Variants in KCNH5 observed in about 807,000 individuals in gnomAD.
The protein encoded by KCNH5 is voltage-gated delayed rectifier potassium channel KCNH5.
In KCNH5, 46 loss-of-function variants were observed where a neutral mutation model predicts 96.1. The ratio of observed to expected loss-of-function variants is 0.48; its 90% confidence interval spans 0.38 to 0.61. The LOEUF (loss-of-function observed/expected upper bound fraction) is 0.61, where lower values mean the gene tolerates loss of function less well. Ranked by LOEUF, KCNH5 falls within the 20% of genes least tolerant of loss-of-function variation. The pLI is 0.00. For synonymous variants in KCNH5, 439 were observed against 449.8 expected (o/e 0.98, Z 0.30); for missense variants, 907 against 1,225.8 (o/e 0.74, Z 3.88).
chr14:63,045,322 G>A lies in KCNH5; in HGVS notation c.-136C>T, dbSNP rs559356562. 11 of 706,822 alleles carry A rather than the reference G, an allele frequency of 1.6e-5. No homozygotes were observed. Among genetic ancestry groups the A allele is most frequent in the African/African-American group, 3.5e-5 (2 of 57,536 alleles). The allele number at this position is 706,822 out of a possible 1,614,324, so 43.8% of individuals were successfully genotyped here. ...AGAGGGGGCGCGGCGGCGGCGACGG[G>A]GTCCCCTGACTGTGTCTCCAGCCCG... On this transcript the variant is annotated 5_prime_UTR_variant, in exon 1 of 11. Coordinates refer to ENST00000322893, the MANE Select transcript of KCNH5 (RefSeq NM_139318.5).
chr14:62,718,272 T>C (rs1467515253), intron 10 of KCNH5, among the ~76,000 whole-genome samples: 2 of 152,128 alleles, frequency 1.3e-5, no homozygotes, highest in East Asian at 3.8e-4. Flanking sequence ...CAAACCTGCA[T>C]ATCTACCCCC....
At chr14:62,931,032 G>A (rs1050792018) in intron 7 of KCNH5, among the ~76,000 whole-genome samples, 1 of 152,092 alleles carries the variant, frequency 6.6e-6, no homozygotes, top group Non-Finnish European at 1.5e-5. Flanking sequence ...ATACCTGCCG[G>A]AGATGGGCTT....
chr14:62,844,804 A>G (rs1483669656), intron 8 of KCNH5, among the ~76,000 whole-genome samples: 12 of 152,214 alleles, frequency 7.9e-5, no homozygotes, highest in Admixed American at 6.5e-4. Context: ...CATTATTCAC[A>G]TAAGTCACAT....
chr14:63,040,687 C>A (rs1271595431), intron 1 of KCNH5, among the ~76,000 whole-genome samples: 2 of 152,166 alleles, frequency 1.3e-5, no homozygotes, highest in African/African-American at 4.8e-5. Flanking sequence ...AGTTATTATT[C>A]CTTTTTTGTT....
At chr14:62,712,050 AGAG>A (rs1234906208) in intron 10 of KCNH5, among the ~76,000 whole-genome samples, 2 of 152,096 alleles carry the variant, frequency 1.3e-5, no homozygotes, top group Non-Finnish European at 2.9e-5. Context: ...CAGCCCAGTG[AGAG>A]GAGAAGCAGG....
rs773528041 is a variant in KCNH5 at position 62,997,808 on chromosome 14, G to C, written c.433+3523C>G. 2.3e-4 allele frequency among the ~76,000 whole-genome samples: 34 copies of C among 147,398 alleles called. 2 individuals are homozygous for C. The highest frequency in any genetic ancestry group is 1.2e-4 in the Non-Finnish European group (8 of 67,572). ...CCAGCTACTTGGAAGGCTGAGGCAG[G>C]AGAATGGCATGAACCTGGGAGACGG... On this transcript the variant is annotated intron_variant, in intron 4 of 10. Coordinates refer to ENST00000322893, the MANE Select transcript of KCNH5 (RefSeq NM_139318.5).
intron 6 of KCNH5, among the ~76,000 whole-genome samples, chr14:62,964,234 A>ATGTG (rs1419352016): frequency 6.6e-6 from 1 of 152,068 alleles, no homozygotes; most frequent in African/African-American, 2.4e-5. Flanking sequence ...CTAAGGTACC[A>ATGTG]CTGTTATTTG....
In KCNH5 at chr14:62,699,990, A is replaced by AG. The variant is rs1884322731; in HGVS notation, c.*7517dup. On this transcript the variant is annotated 3_prime_UTR_variant, in exon 11 of 11. Transcript: ENST00000322893. ...TTATTTCTGGTGAATTAACCCTTAA[A>AG]GGCAGAGGCATTTTTAATACCCCCA... is the stretch of plus-strand genomic sequence containing the variant. The AG allele has an allele frequency of 6.6e-6, 1 of 152,202 alleles. No individual in the cohort carries two copies. The highest frequency in any genetic ancestry group is 1.5e-5 in the Non-Finnish European group (1 of 68,022). 9.4% of individuals were successfully genotyped at this position (152,202 alleles called of 1,614,324 possible).
intron 10 of KCNH5, among the ~76,000 whole-genome samples, chr14:62,767,392 T>C (rs1885883433): frequency 1.3e-5 from 2 of 152,196 alleles, no homozygotes; most frequent in South Asian, 4.1e-4. Context: ...ACTGCAACAC[T>C]ACTCACAATA....
intron 6 of KCNH5, among the ~76,000 whole-genome samples, chr14:62,979,096 T>C (rs1890557854): frequency 6.6e-6 from 1 of 152,204 alleles, no homozygotes; most frequent in African/African-American, 2.4e-5. Context: ...CTATATGAGA[T>C]GAACTTTTCT....
chr14:62,801,499 ATTTTTTTTTT>A (rs35409070), intron 9 of KCNH5, among the ~76,000 whole-genome samples: 1 of 108,860 alleles, frequency 9.2e-6, no homozygotes, highest in Non-Finnish European at 1.8e-5. Context: ...TCATTTGGCA[ATTTTTTTTTT>A]TTTTTTTTTT....
intron 6 of KCNH5, among the ~76,000 whole-genome samples, chr14:62,953,040 T>C (rs1438662836): frequency 6.6e-6 from 1 of 151,908 alleles, no homozygotes; most frequent in Admixed American, 6.6e-5. Context: ...GAGAGCATTA[T>C]AGACTCTCTC....
chr14:62,947,013 G>A (rs1403782619), intron 7 of KCNH5, among the ~76,000 whole-genome samples: 1 of 151,942 alleles, frequency 6.6e-6, no homozygotes, highest in Non-Finnish European at 1.5e-5. Context: ...AAAGAAACCT[G>A]CACATGTGAT....
chr14:62,788,928 C>T (rs558799746), intron 9 of KCNH5, among the ~76,000 whole-genome samples: 2 of 152,134 alleles, frequency 1.3e-5, no homozygotes, highest in East Asian at 3.9e-4. Flanking sequence ...ACAACATTGG[C>T]TCTATTATGG....
chr14:62,709,815 T>A (rs1684059592), intron 10 of KCNH5, among the ~76,000 whole-genome samples: 1 of 152,094 alleles, frequency 6.6e-6, no homozygotes, highest in Non-Finnish European at 1.5e-5. Flanking sequence ...TTGCTCAGAG[T>A]CCTGAAAAGC....
chr14:62,763,688 A>G (rs1675262326), intron 10 of KCNH5, among the ~76,000 whole-genome samples: 2 of 152,174 alleles, frequency 1.3e-5, no homozygotes, highest in African/African-American at 4.8e-5. Flanking sequence ...CACATCAGAA[A>G]TAACAAAGGA....
intron 10 of KCNH5, among the ~76,000 whole-genome samples, chr14:62,713,568 C>G (rs562976239): frequency 6.6e-6 from 1 of 152,264 alleles, no homozygotes; most frequent in South Asian, 2.1e-4. Flanking sequence ...AGTATAGGCA[C>G]TGATTTTGAA....
chr14:63,017,579 C>T (rs1891349168), intron 1 of KCNH5, among the ~76,000 whole-genome samples: 1 of 151,568 alleles, frequency 6.6e-6, no homozygotes, highest in Non-Finnish European at 1.5e-5. Flanking sequence ...TTCTATTTTA[C>T]ACAGAAAAGT....
chr14:62,987,484 A>C (rs1456549491), intron 4 of KCNH5, among the ~76,000 whole-genome samples: 2 of 152,184 alleles, frequency 1.3e-5, no homozygotes, highest in Non-Finnish European at 2.9e-5. Flanking sequence ...TGCATTGTAC[A>C]GCTTTCTTAC....
Sources: allele counts gnomAD v4.1 joint callset (sites outside exome capture counted in the v4.1 genomes callset), GRCh38; gene constraint gnomAD v4.1.1; transcripts MANE v1.5; gene names NCBI Gene and HGNC (gene_info 2026-07-23, HGNC 2026-07-21).